SLF2: variants seen among roughly 807,000 people sequenced by gnomAD.
SLF2 encodes the protein SMC5/6 complex localization factor 2.
Under a neutral mutation model 124.3 loss-of-function variants are expected in SLF2, and 68 were observed. That is an observed-to-expected ratio of 0.55 (90% CI 0.45 to 0.67). The LOEUF is 0.67. Ranked by LOEUF, SLF2 falls within the 30% of genes least tolerant of loss-of-function variation. The probability of loss-of-function intolerance (pLI) is 0.00; values close to 1 mark genes in which losing one functional copy is unlikely to be tolerated. For synonymous variants in SLF2, 480 were observed against 478.8 expected, an observed-to-expected ratio of 1.00 and a Z score of -0.03; for missense variants, 1,246 against 1,373.7, an observed-to-expected ratio of 0.91 and a Z score of 1.47.
intron 9 of SLF2, among the ~76,000 whole-genome samples, chr10:100,932,720 T>TGTGTGTGTGCGC (rs763852210): frequency 3.3e-4 from 12 of 36,226 alleles, no homozygotes; most frequent in Non-Finnish European, 6.3e-4. Flanking sequence ...TGTGTGTGTG[T>TGTGTGTGTGCGC]GCGCGCGCGC....
At chr10:100,943,068 G>C (rs1850012239) in intron 11 of SLF2, among the ~76,000 whole-genome samples, 1 of 152,188 alleles carries the variant, frequency 6.6e-6, no homozygotes, top group Non-Finnish European at 1.5e-5. Flanking sequence ...GGGACTGAAA[G>C]TTTCAGCCTT....
chr10:100,945,560 C>A, intron 13 of SLF2, 54 bp downstream of exon 13: 1 of 1,345,742 alleles, frequency 7.4e-7, no homozygotes, highest in Non-Finnish European at 9.9e-7. Flanking sequence ...TACAATTTGA[C>A]TCATAGTGCA....
At chr10:100,919,722 A>G (rs2133757195) in intron 4 of SLF2, among the ~76,000 whole-genome samples, 1 of 152,334 alleles carries the variant, frequency 6.6e-6, no homozygotes, top group Non-Finnish European at 1.5e-5. Context: ...ACATTCAGTA[A>G]GATACATTGG....
chr10:100,932,722 C>CGT (rs1849767246), intron 9 of SLF2, among the ~76,000 whole-genome samples: 6 of 25,568 alleles, frequency 2.3e-4, no homozygotes, highest in Non-Finnish European at 5.1e-4. Flanking sequence ...TGTGTGTGTG[C>CGT]GCGCGCGCGC....
At position 100,945,235 on chromosome 10, in the gene SLF2, T is replaced by C. The variant is rs1850080684; in HGVS notation, c.2758-95T>C. On this transcript the variant is annotated intron_variant, in intron 12 of 19. Transcript: ENST00000238961. The stretch of plus-strand genomic sequence containing the variant: ...GATGTTTGTTTTCTTTATAGTTCTT[T>C]TTTGCATCTTTTGTCAAAAAGAGTT... 4.8e-6 allele frequency: 5 copies of C among 1,038,764 alleles called. No individual in the cohort carries two copies. The South Asian group carries it at 8.5e-5, about 18-fold the overall frequency. 64.3% of individuals were successfully genotyped at this position (1,038,764 alleles called of 1,614,324 possible).
At position 100,924,868 on chromosome 10, in the gene SLF2, T is replaced by A. The variant is rs1189459313; in HGVS notation, c.1867T>A (p.Ser623Thr). 1 of 1,614,060 alleles carries A rather than the reference T, an allele frequency of 6.2e-7. No homozygotes were observed. Among genetic ancestry groups the A allele is most frequent in the Non-Finnish European group, 8.5e-7 (1 of 1,180,042 alleles). ...TGATGAGGAAGAGGAAACATTAAAGTCACTGGAAGAAATAATGGCTTTGAA... is the reference window on the plus strand; with the variant it reads ...TGATGAGGAAGAGGAAACATTAAAGACACTGGAAGAAATAATGGCTTTGAA... The part of the protein sequence containing the change: ...DSDEEEETLK[S>T]LEEIMALNFN... The change falls in exon 5 of 20, where the codon TCA becomes ACA. Residue 623 changes from serine (S) to threonine (T), a missense_variant. By Grantham distance (58) the Ser-to-Thr change is moderately conservative. This residue lies in a region of SLF2 where 13 missense variants were observed against 32.0 expected (regional missense o/e 0.41). Coordinates refer to ENST00000238961, the MANE Select transcript of SLF2 (RefSeq NM_018121.4).
intron 11 of SLF2, among the ~76,000 whole-genome samples, chr10:100,941,344 G>C (rs1849974156): frequency 6.6e-6 from 1 of 152,164 alleles, no homozygotes; most frequent in Non-Finnish European, 1.5e-5. Flanking sequence ...TATTCTGCTA[G>C]ATACATAGAC....
At chr10:100,931,848 C>G (rs1450482012) in intron 9 of SLF2, among the ~76,000 whole-genome samples, 1 of 151,974 alleles carries the variant, frequency 6.6e-6, no homozygotes, top group East Asian at 1.9e-4. Context: ...AAAAATTAGC[C>G]AGGTGTGGTG....
At chr10:100,928,576 G>A (rs769417254) in intron 6 of SLF2, among the ~76,000 whole-genome samples, 1 of 152,112 alleles carries the variant, frequency 6.6e-6, no homozygotes, top group Non-Finnish European at 1.5e-5. Flanking sequence ...CTTATCCACT[G>A]TTTGTGGCTG....
intron 4 of SLF2, among the ~76,000 whole-genome samples, chr10:100,920,514 A>C (rs912116169): frequency 1.3e-5 from 2 of 152,224 alleles, no homozygotes; most frequent in Non-Finnish European, 2.9e-5. Flanking sequence ...ATAATCACTA[A>C]TAATTATAGC....
chr10:100,934,385 G>A (rs930451686), intron 9 of SLF2, among the ~76,000 whole-genome samples: 1 of 151,994 alleles, frequency 6.6e-6, no homozygotes, highest in Admixed American at 6.6e-5. Flanking sequence ...ATTTCCCACC[G>A]TGGAATTTTT....
At chr10:100,928,821 C>T (rs1371148391) in intron 6 of SLF2, among the ~76,000 whole-genome samples, 2 of 152,188 alleles carry the variant, frequency 1.3e-5, no homozygotes, top group African/African-American at 2.4e-5. Context: ...GTGCCTGTCA[C>T]ATATTAAGTG....
chr10:100,934,769 C>A (rs1171610275), intron 9 of SLF2, among the ~76,000 whole-genome samples: 2 of 151,132 alleles, frequency 1.3e-5, no homozygotes, highest in African/African-American at 4.9e-5. Context: ...CCCACCACCA[C>A]GCCCAGCTAA....
intron 17 of SLF2, among the ~76,000 whole-genome samples, chr10:100,953,920 G>A (rs1850274752): frequency 6.6e-6 from 1 of 151,976 alleles, no homozygotes; most frequent in African/African-American, 2.4e-5. Flanking sequence ...CCAAAGTGCT[G>A]GTATTACAGG....
At chr10:100,919,001 C>CCT (rs1849475126) in intron 4 of SLF2, among the ~76,000 whole-genome samples, 1 of 105,710 alleles carries the variant, frequency 9.5e-6, no homozygotes, top group Non-Finnish European at 1.8e-5. Context: ...GAAACATAAT[C>CCT]TTTTTTTTTT....
chr10:100,919,001 CTTTTTTTTT>C (rs528512219), intron 4 of SLF2, among the ~76,000 whole-genome samples: 6 of 105,710 alleles, frequency 5.7e-5, no homozygotes, highest in East Asian at 5.1e-4. Context: ...GAAACATAAT[CTTTTTTTTT>C]TTTTTTTTTT....
At chr10:100,941,088 C>T (rs1169008018) in intron 11 of SLF2, among the ~76,000 whole-genome samples, 1 of 151,928 alleles carries the variant, frequency 6.6e-6, no homozygotes, top group Non-Finnish European at 1.5e-5. Flanking sequence ...AATCCTCACA[C>T]CTTGGCCTCC....
rs1056280111 is a variant in SLF2, at chr10:100,947,753, A to T, written c.3033-7A>T. ...ACATTCTAAATACTTTTAACTTCTA[A>T]TTCTAGGCAACTGAGACAGTGCCTC... On this transcript the variant is annotated splice_polypyrimidine_tract_variant and splice_region_variant and intron_variant, in intron 14 of 19. Transcript: ENST00000238961. 6.3e-7 allele frequency: 1 copy of T among 1,598,782 alleles called. No individual in the cohort carries two copies. The highest frequency in any genetic ancestry group is 1.3e-5 in the African/African-American group (1 of 74,538).
At chr10:100,921,898 C>A (rs939151013) in intron 4 of SLF2, among the ~76,000 whole-genome samples, 1 of 152,020 alleles carries the variant, frequency 6.6e-6, no homozygotes, top group Non-Finnish European at 1.5e-5. Flanking sequence ...GACATTTAAC[C>A]CCAGAAAACT....
Sources: gnomAD v4.1 joint callset for allele counts (sites outside exome capture counted in the v4.1 genomes callset) on GRCh38, gnomAD v4.1.1 for gene constraint, gnomAD v4.1.1 regional missense constraint, MANE v1.5 for transcripts, NCBI Gene and HGNC (gene_info 2026-07-23, HGNC 2026-07-21) for gene names.